DUOX2: variants seen among roughly 807,000 people sequenced by gnomAD.
DUOX2 encodes NADH/NADPH thyroid oxidase p138-tox.
In DUOX2, 185 loss-of-function variants were observed where a neutral mutation model predicts 183.3. The ratio of observed to expected loss-of-function variants is 1.01; its 90% confidence interval spans 0.90 to 1.14. The LOEUF (loss-of-function observed/expected upper bound fraction) is 1.14. Ranked by LOEUF, DUOX2 falls within the 50% of genes most tolerant of loss-of-function variation. The pLI, the probability that DUOX2 is intolerant of heterozygous loss-of-function variation, is 0.00. For missense variants in DUOX2, 1,999 were observed against 2,022.9 expected (o/e 0.99, Z 0.23); for synonymous variants, 788 against 812.4 (o/e 0.97, Z 0.51).
In DUOX2 at chr15:45,094,194, T is replaced by C. The variant is rs200382889; in HGVS notation, c.4603A>G (p.Arg1535Gly). ...NVEKACQLVN[R>G]QDRAHFMHHY... is the part of the protein sequence containing the mutation. The stretch of plus-strand genomic sequence containing the variant: ...TGCATGAAGTGGGCTCGGTCCTGCC[T>C]GTTGACGAGCTGACAGGCCTTCTCT... The change falls in exon 34 of 34, where the codon AGG (arginine) becomes GGG (glycine). Residue 1535 changes from arginine (R) to glycine (G), a missense_variant. Arg to Gly is a moderately radical substitution (Grantham distance 125, BLOSUM62 -2). Coordinates refer to ENST00000389039, the MANE Select transcript of DUOX2 (RefSeq NM_001363711.2). The C allele has an allele frequency of 1.6e-4, 256 of 1,614,154 alleles. 1 individual carries two copies. The highest frequency in any genetic ancestry group is 1.4e-3 in the South Asian group (127 of 91,080).
intron 29 of DUOX2, 42 bp from the exon 30 acceptor site, chr15:45,096,102 G>T: frequency 6.4e-7 from 1 of 1,551,888 alleles, no homozygotes; most frequent in Non-Finnish European, 8.9e-7. Context: ...GAGAAGGCCT[G>T]CTCCTGGTAC....
At chr15:45,111,644 CG>C in intron 5 of DUOX2, 59 bp from the exon 6 acceptor site, 2 of 1,453,128 alleles carry the variant, frequency 1.4e-6, no homozygotes, top group Non-Finnish European at 9.0e-7. Flanking sequence ...CAGGGAAGGC[CG>C]GGGCCCGGCG....
In DUOX2 at chr15:45,114,166, C is replaced by A. The variant is rs1894535973; in HGVS notation, c.-208G>T. On this transcript the variant is annotated 5_prime_UTR_variant, in exon 1 of 34. Coordinates refer to ENST00000389039, the MANE Select transcript of DUOX2 (RefSeq NM_001363711.2). ...GGTGTCGGCTCAGGACAGACCTGCG[C>A]CAGTGTGAGCATCTGGACCTAGGGC... The A allele has an allele frequency of 6.5e-6, 2 of 309,908 alleles. No homozygotes were observed. The highest frequency in any genetic ancestry group is 3.0e-5 in the South Asian group (1 of 33,588). 19.2% of individuals were successfully genotyped at this position (309,908 alleles called of 1,614,324 possible). A position where few individuals can be genotyped will look rare whatever the true frequency, so the allele number is the denominator to read the frequency against.
At position 45,099,680 on chromosome 15, in the gene DUOX2, C is replaced by G. The variant is rs765163513; in HGVS notation, c.3397G>C (p.Ala1133Pro). 66 of 1,614,076 alleles carry G rather than the reference C, an allele frequency of 4.1e-5. No homozygotes were observed. The highest frequency in any genetic ancestry group is 5.1e-5 in the Non-Finnish European group (60 of 1,180,052). The change falls in exon 25 of 34, where the codon GCT becomes CCT. Residue 1133 changes from alanine (A) to proline (P), a missense_variant. This residue lies in a region of DUOX2 where 1,628 missense variants were observed against 1,608.6 expected (regional missense o/e 1.01). Coordinates refer to ENST00000389039, the MANE Select transcript of DUOX2 (RefSeq NM_001363711.2). ...CACGTACTGGCCAGGACAACAGCAGCCATGGCGATCCAGCGGTGGAAGTCC... is the reference window on the plus strand; with the variant it reads ...CACGTACTGGCCAGGACAACAGCAGGCATGGCGATCCAGCGGTGGAAGTCC... ...AVDFHRWIAM[A>P]AVVLAILHSA...
rs1894279364 is a variant in DUOX2 at position 45,108,229 on chromosome 15, C to T, written c.1399-7G>A. 1 of 1,613,906 alleles carries T rather than the reference C, an allele frequency of 6.2e-7. No individual in the cohort carries two copies. ...CAGCTGTGGCCTCCAGCACCTGGGG[C>T]ACCACAGGAGATAAGGGGTGAGCGT... On this transcript the variant is annotated splice_polypyrimidine_tract_variant and splice_region_variant and intron_variant, in intron 12 of 33. Coordinates refer to ENST00000389039, the MANE Select transcript of DUOX2 (RefSeq NM_001363711.2).
intron 20 of DUOX2, among the ~76,000 whole-genome samples, chr15:45,103,513 A>T (rs1184774709): frequency 1.3e-5 from 2 of 152,240 alleles, no homozygotes; most frequent in Admixed American, 6.5e-5. Flanking sequence ...TGGTTGGAAT[A>T]TGGAGAAGCC....
At position 45,111,952 on chromosome 15, in the gene DUOX2, T is replaced by C; in HGVS notation, c.329A>G (p.Tyr110Cys). 1 of 1,613,474 alleles carries C rather than the reference T, an allele frequency of 6.2e-7. No individual in the cohort carries two copies. The highest frequency in any genetic ancestry group is 8.5e-7 in the Non-Finnish European group (1 of 1,179,952). The change falls in exon 5 of 34, where the codon TAC (tyrosine) becomes TGC (cysteine). Residue 110 changes from tyrosine (Y) to cysteine (C), a missense_variant. By Grantham distance (194) the Tyr-to-Cys change is radical. Transcript: ENST00000389039. ...GCTCACCACGTCGGAAAGAACATGGTAGCCTGCGGGCATGGGGCGCCAATA... is the reference window on the plus strand; with the variant it reads ...GCTCACCACGTCGGAAAGAACATGGCAGCCTGCGGGCATGGGGCGCCAATA... ...NRTVLGVFFG[Y>C]HVLSDVVSVE... is the part of the protein sequence containing the mutation.
At chr15:45,101,050 G>A in intron 22 of DUOX2, 155 bp downstream of exon 22, 1 of 757,878 alleles carries the variant, frequency 1.3e-6, no homozygotes, top group Admixed American at 2.0e-5. Context: ...GCAGCATAGG[G>A]TGAGAGAGGC....
At chr15:45,098,979 C>T in intron 26 of DUOX2, 1 of 250,976 alleles carries the variant, frequency 4.0e-6, no homozygotes, top group Non-Finnish European at 7.8e-6. Context: ...GTTGGGCTTA[C>T]AGGTGTGAGC....
chr15:45,096,658 T>C (rs2141140920), intron 29 of DUOX2, among the ~76,000 whole-genome samples: 1 of 152,294 alleles, frequency 6.6e-6, no homozygotes, highest in South Asian at 2.1e-4. Context: ...TGCTGGAGAG[T>C]AGAAAGGCAT....
In DUOX2 at chr15:45,100,764, A is replaced by G; in HGVS notation, c.2996T>C (p.Phe999Ser). The change falls in exon 23 of 34, where the codon TTT becomes TCT. Residue 999 changes from phenylalanine (F) to serine (S), a missense_variant. Physicochemically the swap from Phe to Ser is radical, Grantham distance 155. Coordinates refer to ENST00000389039, the MANE Select transcript of DUOX2 (RefSeq NM_001363711.2). ...TTTGGGAGACACTCACTTTTTGCCA[A>G]ACCTCTTCTTCAGTCCAGGGCCTCC... ...ELGGPGLKKR[F>S]GKKAAVPTPR... 1 of 1,614,022 alleles carries G rather than the reference A, an allele frequency of 6.2e-7. No homozygotes were observed. Among genetic ancestry groups the G allele is most frequent in the Non-Finnish European group, 8.5e-7 (1 of 1,179,956 alleles).
intron 22 of DUOX2, 81 bp from the exon 23 acceptor site, chr15:45,100,919 G>A (rs982338470): frequency 1.0e-6 from 1 of 972,950 alleles, no homozygotes. Flanking sequence ...TGGGGTAGAG[G>A]TAGGGAGTGG....
chr15:45,095,452 T>C lies in DUOX2; in HGVS notation c.4224A>G (p.Gln1408=). The change falls in exon 31 of 34, where the codon CAA becomes CAG. Residue 1408 remains glutamine, a synonymous_variant. Coordinates refer to ENST00000389039, the MANE Select transcript of DUOX2 (RefSeq NM_001363711.2). ...DLVFKSSLGS[Q]MLCKKIYFIW... ...GGATGCTCACCTTCTTACACAGCAT[T>C]TGGCTGCCCAAGGATGACTTGAAGA... 6.2e-7 allele frequency: 1 copy of C among 1,614,194 alleles called. No homozygotes were observed. Among genetic ancestry groups the C allele is most frequent in the Non-Finnish European group, 8.5e-7 (1 of 1,180,038 alleles).
rs1378165236 is a variant in DUOX2, at chr15:45,100,103, C to G, written c.3131G>C (p.Cys1044Ser). The G allele has an allele frequency of 6.2e-6, 10 of 1,614,256 alleles. No individual in the cohort carries two copies. The highest frequency in any genetic ancestry group is 2.2e-5 in the East Asian group (1 of 44,878). ...FVENYRRHIV[C>S]VAIFSAICVG... ...ACAGATGGCCGAGAAGATTGCCACA[C>G]ACACGATGTGCCTCCGGTAGTTCTC... Residue 1044 changes from cysteine (C) to serine (S), a missense_variant, in exon 24 of 34, where the codon TGT (cysteine) becomes TCT (serine). By Grantham distance (112) the Cys-to-Ser change is moderately radical. Transcript: ENST00000389039.
In DUOX2 at chr15:45,094,048, C is replaced by T; in HGVS notation, c.*102G>A. ...GGGCTCTGCAGCCCTCCAGCTGAGG[C>T]CTAAGGTGGATTCTGATGGAGAGAT... On this transcript the variant is annotated 3_prime_UTR_variant, in exon 34 of 34. Transcript: ENST00000389039. The T allele has an allele frequency of 5.2e-6, 8 of 1,528,374 alleles. No individual in the cohort carries two copies. Among genetic ancestry groups the T allele is most frequent in the Admixed American group, 5.0e-5 (3 of 59,828 alleles). The allele number at this position is 1,528,374 out of a possible 1,614,324, so 94.7% of individuals were successfully genotyped here.
chr15:45,106,601 GC>G lies in DUOX2; in HGVS notation c.1871del (p.Gly624AlafsTer15), dbSNP rs769258094. 9 of 1,614,048 alleles carry G rather than the reference GC, an allele frequency of 5.6e-6. No individual in the cohort carries two copies. The East Asian group carries it at 2.0e-4, about 36-fold the overall frequency. ...TCTTTTGTAGCTTCTTGTGTTCTCG[GC>G]CCCGGAAATAGGCCACCACTCCAGA... ...LLSGVVAYFRGREHKKLQKKL... is the reference protein window; with the variant it reads ...LLSGVVAYFRXREHKKLQKKL... On this transcript the variant is annotated frameshift_variant, in exon 16 of 34. Transcript: ENST00000389039. LOFTEE classifies it high-confidence loss of function.
Position 45,104,122 on chromosome 15 carries a change from C to T in DUOX2, c.2560+18G>A. 6.2e-7 allele frequency: 1 copy of T among 1,614,122 alleles called. No individual in the cohort carries two copies. Among genetic ancestry groups the T allele is most frequent in the Non-Finnish European group, 8.5e-7 (1 of 1,180,002 alleles). ...ACCCCTGGATTCTTGGATAGCCTGC[C>T]ACCTCCCAGCCCCCTACCTTTCATG... On this transcript the variant is annotated intron_variant, in intron 19 of 33. Transcript: ENST00000389039.
rs530513960 is a variant in DUOX2 at position 45,097,351 on chromosome 15, G to A, written c.3734C>T (p.Thr1245Ile). The A allele has an allele frequency of 6.2e-7, 1 of 1,614,282 alleles. No individual in the cohort carries two copies. The highest frequency in any genetic ancestry group is 1.3e-5 in the African/African-American group (1 of 75,080). Residue 1245 changes from threonine (T) to isoleucine (I), a missense_variant, in exon 29 of 34, where the codon ACT (threonine) becomes ATT (isoleucine). This residue lies in a region of DUOX2 where 1,628 missense variants were observed against 1,608.6 expected (regional missense o/e 1.01). Coordinates refer to ENST00000389039, the MANE Select transcript of DUOX2 (RefSeq NM_001363711.2). ...HGSYALIQLP[T>I]FHIYFLVPAI... ...CGGGACCAGGAAGTAGATGTGGAAAGTGGGCAGCTGGATCAGAGCATAGCT... is the reference window on the plus strand; with the variant it reads ...CGGGACCAGGAAGTAGATGTGGAAAATGGGCAGCTGGATCAGAGCATAGCT...
At position 45,095,599 on chromosome 15, in the gene DUOX2, C is replaced by A; in HGVS notation, c.4081-4G>T. The A allele has an allele frequency of 6.2e-7, 1 of 1,614,174 alleles. No individual in the cohort carries two copies. The highest frequency in any genetic ancestry group is 8.5e-7 in the Non-Finnish European group (1 of 1,180,038). On this transcript the variant is annotated splice_region_variant and splice_polypyrimidine_tract_variant and intron_variant, in intron 30 of 33. Coordinates refer to ENST00000389039, the MANE Select transcript of DUOX2 (RefSeq NM_001363711.2). ...CAAACGGTCCATCAAGGTACAGCTG[C>A]CAAGAGAGGGGGGAGATGAAATGAG... is the stretch of plus-strand genomic sequence containing the variant.
Sources: allele counts gnomAD v4.1 joint callset (sites outside exome capture counted in the v4.1 genomes callset), GRCh38; gene constraint gnomAD v4.1.1; regional missense constraint gnomAD v4.1.1; transcripts MANE v1.5; gene names NCBI Gene and HGNC (gene_info 2026-07-23, HGNC 2026-07-21).